TBC1D4: variants seen among roughly 807,000 people sequenced by gnomAD.
The protein encoded by TBC1D4 is TBC1 domain family member 4.
TBC1D4 carries 121 observed loss-of-function variants against 142.5 expected under a neutral mutation model. The ratio of observed to expected loss-of-function variants is 0.85; its 90% CI spans 0.73 to 0.99. The LOEUF is 0.99. Ranked by LOEUF, TBC1D4 falls within the 50% of genes least tolerant of loss-of-function variation. The pLI is 0.00. For synonymous variants in TBC1D4, 630 were observed against 628.2 expected, an observed-to-expected ratio of 1.00 and a Z score of -0.04; for missense variants, 1,475 against 1,606.6, an observed-to-expected ratio of 0.92 and a Z score of 1.40.
At chr13:75,481,200 GCCCCT>G in intron 1 of TBC1D4, 65 bp downstream of exon 1, 1 of 633,012 alleles carries the variant, frequency 1.6e-6, no homozygotes, top group Non-Finnish European at 2.6e-6. Flanking sequence ...TGGGGTCCCC[GCCCCT>G]CCCGCCCTGC....
intron 12 of TBC1D4, among the ~76,000 whole-genome samples, chr13:75,317,814 C>T (rs1307998028): frequency 6.6e-6 from 1 of 152,180 alleles, no homozygotes; most frequent in Non-Finnish European, 1.5e-5. Context: ...TCTTACCACT[C>T]ACCAGTTAAT....
chr13:75,438,398 A>G (rs1047969912), intron 1 of TBC1D4, among the ~76,000 whole-genome samples: 2 of 152,196 alleles, frequency 1.3e-5, no homozygotes, highest in African/African-American at 4.8e-5. Context: ...TAGCCCAGTC[A>G]CTTGTAAATG....
Position 75,348,732 on chromosome 13 carries a change from A to G in TBC1D4, c.1408+438T>C, listed in dbSNP as rs907821922. On this transcript the variant is annotated intron_variant, in intron 5 of 20. Coordinates refer to ENST00000377636, the MANE Select transcript of TBC1D4 (RefSeq NM_014832.5). ...TTCACTAAAGTTCTACATTTTTAGA[A>G]AAGGAACTCATCATCAAGTAAAGGA... Among the ~76,000 whole-genome samples, 96 of 152,206 alleles carry G rather than the reference A, an allele frequency of 6.3e-4. 1 individual carries two copies. Among genetic ancestry groups the G allele is most frequent in the Non-Finnish European group, 1.5e-5 (1 of 68,038 alleles).
Position 75,445,566 on chromosome 13 carries a change from A to G in TBC1D4, c.498+35704T>C, listed in dbSNP as rs548898550. 2.0e-3 allele frequency among the ~76,000 whole-genome samples: 311 copies of G among 152,344 alleles called. 2 individuals are homozygous for G. The Middle Eastern group carries it at 0.031, about 15-fold the overall frequency. On this transcript the variant is annotated intron_variant, in intron 1 of 20. Transcript: ENST00000377636. Reference sequence around the variant, plus strand: ...CTTCTATAAAATAAGGTCATGGAGCACTAAAATCAACAATCTCACCCAGAG... The same window carrying G: ...CTTCTATAAAATAAGGTCATGGAGCGCTAAAATCAACAATCTCACCCAGAG...
At chr13:75,401,445 C>T (rs938219105) in intron 1 of TBC1D4, among the ~76,000 whole-genome samples, 1 of 152,174 alleles carries the variant, frequency 6.6e-6, no homozygotes, top group African/African-American at 2.4e-5. Context: ...TACTACATGA[C>T]CTTGGCATTA....
chr13:75,453,635 G>A (rs1177576205), intron 1 of TBC1D4, among the ~76,000 whole-genome samples: 1 of 152,220 alleles, frequency 6.6e-6, no homozygotes, highest in Non-Finnish European at 1.5e-5. Flanking sequence ...GCCAAGGTGG[G>A]TGAATCACTT....
At chr13:75,401,060 G>A (rs1388769917) in intron 1 of TBC1D4, among the ~76,000 whole-genome samples, 1 of 152,112 alleles carries the variant, frequency 6.6e-6, no homozygotes, top group African/African-American at 2.4e-5. Flanking sequence ...ATTAGTGTTA[G>A]ACCAAAATGA....
intron 1 of TBC1D4, among the ~76,000 whole-genome samples, chr13:75,463,587 C>T (rs1378898231): frequency 2.0e-5 from 3 of 152,150 alleles, no homozygotes; most frequent in South Asian, 4.1e-4. Flanking sequence ...GATATATCAC[C>T]CTTCCTACCT....
intron 2 of TBC1D4, 127 bp from the exon 3 acceptor site, chr13:75,359,985 C>A: frequency 1.3e-6 from 1 of 778,078 alleles, no homozygotes; most frequent in Non-Finnish European, 2.2e-6. Flanking sequence ...TTCATATGTG[C>A]TTAAACATCT....
chr13:75,341,570 C>T lies in TBC1D4; in HGVS notation c.1426G>A (p.Ala476Thr). 6.2e-7 allele frequency: 1 copy of T among 1,614,040 alleles called. No homozygotes were observed. ...AGATGCCTCTGTATCACCAGCTTGGCTCTTGGTGGGTAGAGACCTAAGGAA... is the reference window on the plus strand; with the variant it reads ...AGATGCCTCTGTATCACCAGCTTGGTTCTTGGTGGGTAGAGACCTAAGGAA... Reference protein sequence around the residue: ...ERIEGLYPPRAKLVIQRHLSS... With the variant: ...ERIEGLYPPRTKLVIQRHLSS... Residue 476 changes from alanine to threonine, a missense_variant, in exon 6 of 21, where the codon GCC (alanine) becomes ACC (threonine). Transcript: ENST00000377636.
At chr13:75,399,599 T>TCCG (rs1884978090) in intron 1 of TBC1D4, among the ~76,000 whole-genome samples, 2 of 152,234 alleles carry the variant, frequency 1.3e-5, no homozygotes, top group African/African-American at 2.4e-5. Flanking sequence ...CCTGATGCTA[T>TCCG]AATGAGCTGA....
At chr13:75,369,579 G>C (rs1043277007) in intron 1 of TBC1D4, among the ~76,000 whole-genome samples, 1 of 151,976 alleles carries the variant, frequency 6.6e-6, no homozygotes, top group African/African-American at 2.4e-5. Flanking sequence ...ATATTAGAAA[G>C]GTACACATCA....
At chr13:75,303,348 A>G (rs1876787890) in intron 15 of TBC1D4, among the ~76,000 whole-genome samples, 1 of 152,190 alleles carries the variant, frequency 6.6e-6, no homozygotes, top group African/African-American at 2.4e-5. Context: ...GTAGTAAACA[A>G]TAAGAAGGCG....
chr13:75,463,941 T>C (rs1270554235), intron 1 of TBC1D4, among the ~76,000 whole-genome samples: 1 of 152,192 alleles, frequency 6.6e-6, no homozygotes, highest in Non-Finnish European at 1.5e-5. Context: ...TCTCTTTCTT[T>C]TGGCTACAAG....
rs995845529 is a variant in TBC1D4, at chr13:75,362,906, T to C, written c.499-299A>G. 4.6e-5 allele frequency among the ~76,000 whole-genome samples: 7 copies of C among 152,230 alleles called. No individual in the cohort carries two copies. Among genetic ancestry groups the C allele is most frequent in the African/African-American group, 1.7e-4 (7 of 41,462 alleles). ...CCACTGCCAACCTATTATGTCATAA[T>C]ATGTCTTTTGATTGTGTTTAAAAGT... On this transcript the variant is annotated intron_variant, in intron 1 of 20. Coordinates refer to ENST00000377636, the MANE Select transcript of TBC1D4 (RefSeq NM_014832.5). This position sits in a 1 kb window ranked among gnomAD's most constrained non-coding sequence, Gnocchi z 4.2.
At chr13:75,410,727 G>C (rs1185972022) in intron 1 of TBC1D4, among the ~76,000 whole-genome samples, 2 of 151,812 alleles carry the variant, frequency 1.3e-5, no homozygotes, top group Non-Finnish European at 2.9e-5. Context: ...ACGAGGTCAG[G>C]AGATCGAGAC....
intron 1 of TBC1D4, among the ~76,000 whole-genome samples, chr13:75,473,051 G>A (rs1888483522): frequency 1.3e-5 from 2 of 152,318 alleles, no homozygotes; most frequent in African/African-American, 2.4e-5. Context: ...TTGGAGTGCA[G>A]TGGCACAATC....
intron 11 of TBC1D4, among the ~76,000 whole-genome samples, chr13:75,320,984 G>A (rs1878721380): frequency 6.6e-6 from 1 of 150,684 alleles, no homozygotes; most frequent in African/African-American, 2.4e-5. Flanking sequence ...AGCTTGCAGT[G>A]AGCTGAGATT....
At chr13:75,361,195 G>C (rs1256742741) in intron 2 of TBC1D4, among the ~76,000 whole-genome samples, 1 of 152,158 alleles carries the variant, frequency 6.6e-6, no homozygotes, top group African/African-American at 2.4e-5. Context: ...ATCCAATTCA[G>C]TACATTTTTA....
Sources: gnomAD v4.1 joint callset for allele counts (sites outside exome capture counted in the v4.1 genomes callset) on GRCh38, gnomAD v4.1.1 for gene constraint, Gnocchi (gnomAD v3.1) non-coding constraint, MANE v1.5 for transcripts, NCBI Gene and HGNC (gene_info 2026-07-23, HGNC 2026-07-21) for gene names.